The following IBSP variants were observed in gnomAD, a reference collection of about 807,000 sequenced individuals.
The protein encoded by IBSP is integrin binding sialoprotein, also known as integrin-binding sialoprotein.
A neutral mutation model predicts 25.5 loss-of-function variants in IBSP; 19 were observed. The observed-to-expected ratio is 0.74, with a 90% CI of 0.52 to 1.09. The LOEUF is 1.09. Ranked by LOEUF, IBSP falls within the 50% of genes least tolerant of loss-of-function variation. IBSP has a pLI of 0.00. For missense variants in IBSP, 360 were observed against 382.3 expected (o/e 0.94, Z 0.49); for synonymous variants, 144 against 137.6 (o/e 1.05, Z -0.33).
In IBSP at chr4:87,810,664, C is replaced by T. The variant is rs1485346525; in HGVS notation, c.305C>T (p.Ala102Val). 5 of 1,613,346 alleles carry T rather than the reference C, an allele frequency of 3.1e-6. No homozygotes were observed. The highest frequency in any genetic ancestry group is 1.3e-5 in the African/African-American group (1 of 74,878). The change falls in exon 6 of 7, where the codon GCT becomes GTT. Residue 102 changes from alanine (A) to valine (V), a missense_variant. By Grantham distance (64) the Ala-to-Val change is moderately conservative (BLOSUM62 0). Transcript: ENST00000226284. ...TCGAATGAAGATGAAGACTCTGAGG[C>T]TGAGAATACCACACTTTCTGCTACA... ...EESNEDEDSE[A>V]ENTTLSATTL...
intron 5 of IBSP, among the ~76,000 whole-genome samples, chr4:87,806,829 AC>A (rs1165513276): frequency 6.6e-6 from 1 of 151,922 alleles, no homozygotes; most frequent in Non-Finnish European, 1.5e-5. Flanking sequence ...ACATGGTGAA[AC>A]CCTGTCTCTA....
At chr4:87,811,205 AG>A (rs1722165458) in intron 6 of IBSP, among the ~76,000 whole-genome samples, 156 bp from the exon 7 acceptor site, 1 of 152,198 alleles carries the variant, frequency 6.6e-6, no homozygotes, top group Non-Finnish European at 1.5e-5. Context: ...TTTATCCTGA[AG>A]TTTTAAAGCC....
intron 5 of IBSP, among the ~76,000 whole-genome samples, chr4:87,809,115 C>T (rs1396746402): frequency 6.6e-6 from 1 of 152,206 alleles, no homozygotes; most frequent in East Asian, 1.9e-4. Flanking sequence ...ACACTTGCTT[C>T]TTTCAGTCTT....
intron 5 of IBSP, among the ~76,000 whole-genome samples, chr4:87,810,366 A>T (rs995842706): frequency 3.9e-5 from 6 of 152,258 alleles, no homozygotes; most frequent in Admixed American, 3.3e-4. Flanking sequence ...GATAAAATAC[A>T]AAGCAGAAAT....
intron 6 of IBSP, among the ~76,000 whole-genome samples, chr4:87,811,114 C>T (rs946693780): frequency 2.6e-5 from 4 of 152,006 alleles, no homozygotes; most frequent in Admixed American, 1.3e-4. Context: ...AGTAGCAAAA[C>T]GATAGGAAGA....
chr4:87,803,685 T>C (rs1722054234), intron 4 of IBSP, among the ~76,000 whole-genome samples: 1 of 152,148 alleles, frequency 6.6e-6, no homozygotes, highest in Non-Finnish European at 1.5e-5. Context: ...TGATAGGAAA[T>C]GATCATTTTA....
chr4:87,803,406 A>C (rs1394513846), intron 4 of IBSP, among the ~76,000 whole-genome samples: 2 of 152,186 alleles, frequency 1.3e-5, no homozygotes, highest in African/African-American at 4.8e-5. Flanking sequence ...ACTAAAAAAA[A>C]AATAAGAGTT....
At chr4:87,811,242 G>T in intron 6 of IBSP, 120 bp from the exon 7 acceptor site, 1 of 1,105,708 alleles carries the variant, frequency 9.0e-7, no homozygotes, top group South Asian at 1.7e-5. Flanking sequence ...AATTAAAGTG[G>T]CCTTAATTCA....
rs1335030837 is a variant in IBSP at position 87,802,500 on chromosome 4, T to A, written c.55-8T>A. ...AATTATGCAATAATTAAATGTTCTT[T>A]AAAACAGATGAAAAATTTGCATCGA... On this transcript the variant is annotated splice_polypyrimidine_tract_variant and splice_region_variant and intron_variant, in intron 2 of 6. Coordinates refer to ENST00000226284, the MANE Select transcript of IBSP (RefSeq NM_004967.4). 3 of 1,600,530 alleles carry A rather than the reference T, an allele frequency of 1.9e-6. No homozygotes were observed. The highest frequency in any genetic ancestry group is 3.5e-5 in the Admixed American group (2 of 57,224).
intron 5 of IBSP, among the ~76,000 whole-genome samples, chr4:87,810,365 CA>C (rs1352271269): frequency 6.6e-6 from 1 of 152,006 alleles, no homozygotes. Context: ...TGATAAAATA[CA>C]AAGCAGAAAT....
chr4:87,802,104 C>CA (rs1168267732), intron 1 of IBSP, among the ~76,000 whole-genome samples: 1 of 151,972 alleles, frequency 6.6e-6, no homozygotes, highest in African/African-American at 2.4e-5. Flanking sequence ...TGAGAAATCA[C>CA]AAAAAATAGG....
intron 1 of IBSP, among the ~76,000 whole-genome samples, chr4:87,801,304 A>G (rs1191307381): frequency 6.6e-6 from 1 of 152,090 alleles, no homozygotes; most frequent in Non-Finnish European, 1.5e-5. Context: ...ATGGAGCTGG[A>G]GAGCAAATTA....
At position 87,811,951 on chromosome 4, in the gene IBSP, T is replaced by C; in HGVS notation, c.*41T>C. On this transcript the variant is annotated 3_prime_UTR_variant, in exon 7 of 7. Transcript: ENST00000226284. ...TGAATTCATCCATTCTGGCTTTGCA[T>C]CCGGCTACCATTTTCGAAGTTCAAC... 6.8e-7 allele frequency: 1 copy of C among 1,470,248 alleles called. No individual in the cohort carries two copies. The highest frequency in any genetic ancestry group is 9.1e-7 in the Non-Finnish European group (1 of 1,098,004). 91.1% of individuals were successfully genotyped at this position (1,470,248 alleles called of 1,614,324 possible). A position where few individuals can be genotyped will look rare whatever the true frequency, so the allele number is the denominator to read the frequency against.
Position 87,802,640 on chromosome 4 carries a change from T to C in IBSP, c.106-14T>C, listed in dbSNP as rs1161557898. 6.4e-7 allele frequency: 1 copy of C among 1,570,070 alleles called. No homozygotes were observed. The highest frequency in any genetic ancestry group is 2.1e-5 in the Admixed American group (1 of 48,242). Reference sequence around the variant, plus strand: ...ATATTAAACATGAATATATCATTTATTTTGTTTTTGCAGGTCTTTAAGTAC... The same window carrying C: ...ATATTAAACATGAATATATCATTTACTTTGTTTTTGCAGGTCTTTAAGTAC... On this transcript the variant is annotated splice_polypyrimidine_tract_variant and intron_variant, in intron 3 of 6. Coordinates refer to ENST00000226284, the MANE Select transcript of IBSP (RefSeq NM_004967.4).
intron 3 of IBSP, 30 bp downstream of exon 3, chr4:87,802,588 T>C (rs749695755): frequency 3.8e-6 from 6 of 1,581,404 alleles, no homozygotes; most frequent in Non-Finnish European, 4.3e-6. Flanking sequence ...TTCCTTGGCC[T>C]GATTATACTT....
chr4:87,808,427 C>A (rs1417722105), intron 5 of IBSP, among the ~76,000 whole-genome samples: 4 of 152,088 alleles, frequency 2.6e-5, no homozygotes, highest in Non-Finnish European at 4.4e-5. Flanking sequence ...GTGATCCGCC[C>A]GCCTCGGCCT....
Position 87,801,764 on chromosome 4 carries a change from G to GT in IBSP, c.-14-583dup, listed in dbSNP as rs758778353. Reference sequence around the variant, plus strand: ...TGGCCTCCCAGGCTCAGCCTCTCGAGTAACTAGGCCTACTGGTGTGCACCA... The same window carrying GT: ...TGGCCTCCCAGGCTCAGCCTCTCGAGTTAACTAGGCCTACTGGTGTGCACCA... On this transcript the variant is annotated intron_variant, in intron 1 of 6. Transcript: ENST00000226284. Among the ~76,000 whole-genome samples, 4 of 151,970 alleles carry GT rather than the reference G, an allele frequency of 2.6e-5. No homozygotes were observed. The East Asian group carries it at 5.8e-4, about 22-fold the overall frequency.
At chr4:87,803,283 G>A (rs989525669) in intron 4 of IBSP, among the ~76,000 whole-genome samples, 4 of 152,112 alleles carry the variant, frequency 2.6e-5, no homozygotes, top group South Asian at 4.1e-4. Context: ...ATACACTGGA[G>A]CATAATCATA....
At chr4:87,805,213 T>C (rs895820322) in intron 4 of IBSP, among the ~76,000 whole-genome samples, 4 of 152,208 alleles carry the variant, frequency 2.6e-5, no homozygotes, top group East Asian at 1.9e-4. Flanking sequence ...ATTTTCTAAA[T>C]GCAAGACATT....
Sources: gnomAD v4.1 joint callset for allele counts (sites outside exome capture counted in the v4.1 genomes callset) on GRCh38, gnomAD v4.1.1 for gene constraint, MANE v1.5 for transcripts, NCBI Gene and HGNC (gene_info 2026-07-23, HGNC 2026-07-21) for gene names.